Variants in CD5 observed in about 807,000 individuals in gnomAD.
CD5 encodes T-cell surface glycoprotein CD5.
Under a neutral mutation model 60.3 loss-of-function variants are expected in CD5, and 36 were observed. The observed-to-expected ratio is 0.60, with a 90% CI of 0.46 to 0.79. The LOEUF (loss-of-function observed/expected upper bound fraction) is 0.79. Among genes scored for constraint, CD5 ranks in the 30% least tolerant of loss-of-function variants. The pLI is 0.00. For missense variants in CD5, 540 were observed against 630.6 expected, an observed-to-expected ratio of 0.86 and a Z score of 1.54; for synonymous variants, 230 against 257.6, an observed-to-expected ratio of 0.89 and a Z score of 1.03.
At chr11:61,105,335 C>T (rs1254746426) in intron 1 of CD5, among the ~76,000 whole-genome samples, 5 of 152,224 alleles carry the variant, frequency 3.3e-5, no homozygotes, top group Non-Finnish European at 7.3e-5. Flanking sequence ...AAGTCATGGA[C>T]TCTGCAGTTT....
chr11:61,115,476 G>A (rs543535337), intron 2 of CD5, among the ~76,000 whole-genome samples: 10 of 152,268 alleles, frequency 6.6e-5, no homozygotes, highest in African/African-American at 2.2e-4. Context: ...GAGAGAGGCC[G>A]CAGACTGATG....
chr11:61,098,206 T>C (rs1320828972), upstream of CD5, among the ~76,000 whole-genome samples: 1 of 152,224 alleles, frequency 6.6e-6, no homozygotes, highest in Non-Finnish European at 1.5e-5. Flanking sequence ...ACCTGCTTAC[T>C]GCTCCCTTGT....
chr11:61,111,847 T>C (rs1287752047), intron 1 of CD5, among the ~76,000 whole-genome samples: 1 of 152,204 alleles, frequency 6.6e-6, no homozygotes, highest in Admixed American at 6.5e-5. Flanking sequence ...CTCTGAGCAC[T>C]AGGCCAGGAA....
Position 61,118,077 on chromosome 11 carries a change from G to C in CD5, c.95-98G>C, listed in dbSNP as rs1035652387. ...GCAAGGCAGGCAGCCCACGGGGCAG[G>C]AGGGAGCTCAACTGGGCGTCCTAGG... On this transcript the variant is annotated intron_variant, in intron 2 of 10. Coordinates refer to ENST00000347785, the MANE Select transcript of CD5 (RefSeq NM_014207.4). This position sits in a 1 kb window ranked among gnomAD's most constrained non-coding sequence, Gnocchi z 4.7. 8.5e-6 allele frequency: 11 copies of C among 1,287,724 alleles called. No homozygotes were observed. Among genetic ancestry groups the C allele is most frequent in the Non-Finnish European group, 1.2e-5 (11 of 915,902 alleles). 79.8% of individuals were successfully genotyped at this position (1,287,724 alleles called of 1,614,324 possible).
At chr11:61,097,265 C>A in the CD5 span, among the ~76,000 whole-genome samples, 1 of 152,186 alleles carries the variant, frequency 6.6e-6, no homozygotes, top group South Asian at 2.1e-4. Context: ...TACCTACAGA[C>A]CCAGTTCCTG....
Position 61,121,891 on chromosome 11 carries a change from G to C in CD5, c.1086G>C (p.Lys362Asn). The C allele has an allele frequency of 1.3e-6, 2 of 1,545,048 alleles. No homozygotes were observed. ...GGGAGAGAAATTCCTACTGCAAGAA[G>C]GTGTTTGTCACATGTGAGTTGGCCA... is the stretch of plus-strand genomic sequence containing the variant. Reference protein sequence around the residue: ...ELWERNSYCKKVFVTCQDPNP... With the variant: ...ELWERNSYCKNVFVTCQDPNP... Residue 362 changes from lysine (K) to asparagine (N), a missense_variant, in exon 6 of 11, where the codon AAG (lysine) becomes AAC (asparagine). Coordinates refer to ENST00000347785, the MANE Select transcript of CD5 (RefSeq NM_014207.4).
At chr11:61,095,234 C>T in the CD5 span, among the ~76,000 whole-genome samples, 1 of 152,006 alleles carries the variant, frequency 6.6e-6, no homozygotes, top group Non-Finnish European at 1.5e-5. Context: ...CCAGAGTAGA[C>T]AAAAGAGGAA....
chr11:61,095,975 G>A, the CD5 span, among the ~76,000 whole-genome samples: 6 of 152,204 alleles, frequency 3.9e-5, no homozygotes, highest in Admixed American at 1.3e-4. Context: ...CACAGTTACT[G>A]GGGTTTGCGG....
chr11:61,118,864 C>T lies in CD5; in HGVS notation c.401-51C>T, dbSNP rs756288925. On this transcript the variant is annotated intron_variant, in intron 3 of 10. Coordinates refer to ENST00000347785, the MANE Select transcript of CD5 (RefSeq NM_014207.4). The surrounding 1 kb of genome is among the most constrained non-coding windows in gnomAD (Gnocchi z 4.7). ...TCCTCTCAAGGCTGCTGGCTGCCCCCGGCCCTCCCCACACCACCCATTCCT... is the reference window on the plus strand; with the variant it reads ...TCCTCTCAAGGCTGCTGGCTGCCCCTGGCCCTCCCCACACCACCCATTCCT... 6.3e-5 allele frequency: 88 copies of T among 1,389,256 alleles called. No individual in the cohort carries two copies. In the Middle Eastern group the frequency reaches 8.9e-4, roughly 14 times the overall value. 86.1% of individuals were successfully genotyped at this position (1,389,256 alleles called of 1,614,324 possible).
the CD5 span, among the ~76,000 whole-genome samples, chr11:61,095,978 G>C: frequency 3.9e-5 from 6 of 152,222 alleles, no homozygotes; most frequent in South Asian, 1.2e-3. Context: ...AGTTACTGGG[G>C]TTTGCGGGTA....
At chr11:61,100,431 G>A (rs1166570932), upstream of CD5, among the ~76,000 whole-genome samples, 5 of 141,196 alleles carry the variant, frequency 3.5e-5, no homozygotes, top group Non-Finnish European at 6.1e-5. Context: ...TCAACATGGA[G>A]ATCACACACA....
Position 61,119,235 on chromosome 11 carries a change from T to C in CD5, c.465T>C (p.Ala155=). The change falls in exon 5 of 11, where the codon GCT becomes GCC. Residue 155 remains alanine, a splice_region_variant and synonymous_variant. Transcript: ENST00000347785. ...CCCTCCTGCTCTCTCCTCTCCTAGCTCCTCCCAGGCTGCAGCTGGTGGCAC... is the reference window on the plus strand; with the variant it reads ...CCCTCCTGCTCTCTCCTCTCCTAGCCCCTCCCAGGCTGCAGCTGGTGGCAC... ...PPPTTTPEPT[A]PPRLQLVAQS... The C allele has an allele frequency of 6.3e-7, 1 of 1,592,280 alleles. No homozygotes were observed. The highest frequency in any genetic ancestry group is 8.6e-7 in the Non-Finnish European group (1 of 1,168,752).
At chr11:61,095,117 A>C in the CD5 span, among the ~76,000 whole-genome samples, 2 of 151,874 alleles carry the variant, frequency 1.3e-5, no homozygotes, top group Non-Finnish European at 2.9e-5. Flanking sequence ...GAAGAGTCAC[A>C]GCAGGAATTG....
At chr11:61,124,899 A>G in intron 8 of CD5, 133 bp from the exon 9 acceptor site, 1 of 956,520 alleles carries the variant, frequency 1.0e-6, no homozygotes, top group Non-Finnish European at 1.6e-6. Flanking sequence ...GATGCATTGA[A>G]GGGGCTGTGG....
rs1861173327 is a variant in CD5 at position 61,127,771 on chromosome 11, T to TTGG, written c.*1487_*1489dup. ...TAATAAAAGCTCTTTCATCTATAGT[T>TTGG]TGGCCACCATACAGTGGCCTCAAAG... On this transcript the variant is annotated 3_prime_UTR_variant, in exon 11 of 11. Transcript: ENST00000347785. The TTGG allele has an allele frequency of 6.6e-6, 1 of 152,176 alleles. No individual in the cohort carries two copies. The highest frequency in any genetic ancestry group is 2.1e-4 in the South Asian group (1 of 4,820). 9.4% of individuals were successfully genotyped at this position (152,176 alleles called of 1,614,324 possible). A position where few individuals can be genotyped will look rare whatever the true frequency, so the allele number is the denominator to read the frequency against.
At chr11:61,107,790 C>T (rs1017684202) in intron 1 of CD5, among the ~76,000 whole-genome samples, 4 of 152,156 alleles carry the variant, frequency 2.6e-5, no homozygotes, top group Non-Finnish European at 1.5e-5. Context: ...TACTCCTCTC[C>T]GGGGGACAGA....
chr11:61,120,815 C>A (rs1861046900), intron 5 of CD5, among the ~76,000 whole-genome samples: 1 of 152,232 alleles, frequency 6.6e-6, no homozygotes, highest in Non-Finnish European at 1.5e-5. Context: ...GGCTGGCTCG[C>A]AGTCCCACCG....
chr11:61,099,327 C>T (rs73484330), upstream of CD5, among the ~76,000 whole-genome samples: 4,875 of 144,960 alleles, frequency 0.034, 262 homozygotes, highest in African/African-American at 0.12. Flanking sequence ...ATCACACCCA[C>T]AACACAGAGA....
At chr11:61,122,686 T>G (rs1861084906) in intron 6 of CD5, among the ~76,000 whole-genome samples, 1 of 151,640 alleles carries the variant, frequency 6.6e-6, no homozygotes, top group Non-Finnish European at 1.5e-5. Flanking sequence ...GATAGCTAGA[T>G]GATCAACTGT....
Sources: gnomAD v4.1 joint callset for allele counts (sites outside exome capture counted in the v4.1 genomes callset) on GRCh38, gnomAD v4.1.1 for gene constraint, Gnocchi (gnomAD v3.1) non-coding constraint, MANE v1.5 for transcripts, NCBI Gene and HGNC (gene_info 2026-07-23, HGNC 2026-07-21) for gene names.